The following IK variants were observed in gnomAD, a reference collection of about 807,000 sequenced individuals.
IK encodes protein Red.
In IK, 47 loss-of-function variants were observed where a neutral mutation model predicts 90.9. The ratio of observed to expected loss-of-function variants is 0.52; its 90% CI spans 0.41 to 0.66. The LOEUF (loss-of-function observed/expected upper bound fraction) is 0.66, where lower values mean the gene tolerates loss of function less well. Ranked by LOEUF, IK falls within the 30% of genes least tolerant of loss-of-function variation. The probability of loss-of-function intolerance (pLI) is 0.00; values close to 1 mark genes in which losing one functional copy is unlikely to be tolerated. For missense variants in IK, 385 were observed against 709.3 expected (o/e 0.54, Z 5.19); for synonymous variants, 201 against 227.5 (o/e 0.88, Z 1.05).
In IK at chr5:140,647,857, G is replaced by T. The variant is rs749013145; in HGVS notation, c.-52G>T. 8.1e-6 allele frequency: 13 copies of T among 1,610,044 alleles called. No homozygotes were observed. Among genetic ancestry groups the T allele is most frequent in the Non-Finnish European group, 1.1e-5 (13 of 1,176,300 alleles). On this transcript the variant is annotated 5_prime_UTR_variant, in exon 1 of 20. Coordinates refer to ENST00000417647, the MANE Select transcript of IK (RefSeq NM_006083.4). ...CTGTGGGAAAGAGCTTGTCGCTGCG[G>T]TGTTGCTGTTGGAGACTCGATTGTT...
intron 9 of IK, 115 bp from the exon 10 acceptor site, chr5:140,657,439 C>T: frequency 2.8e-6 from 2 of 702,172 alleles, no homozygotes; most frequent in Non-Finnish European, 4.8e-6. Context: ...CACTTCGTTT[C>T]CCTCCCTTCA....
chr5:140,654,820 A>G (rs1036290780), intron 8 of IK, 93 bp downstream of exon 8: 11 of 829,526 alleles, frequency 1.3e-5, no homozygotes, highest in East Asian at 5.1e-5. Flanking sequence ...CTTTCCCCCA[A>G]CCTCCTTTCT....
At chr5:140,653,186 A>T (rs766507097) in intron 5 of IK, 42 bp downstream of exon 5, 1 of 1,552,940 alleles carries the variant, frequency 6.4e-7, no homozygotes, top group Admixed American at 1.7e-5. Context: ...TCAGCATCCG[A>T]GAGTCATGCA....
At chr5:140,654,804 C>T (rs1757677260) in intron 8 of IK, 77 bp downstream of exon 8, 1 of 951,752 alleles carries the variant, frequency 1.1e-6, no homozygotes. Context: ...GAAGGATATG[C>T]TTCTCCTTTC....
At chr5:140,649,560 T>G (rs1006795026) in intron 2 of IK, among the ~76,000 whole-genome samples, 6 of 151,448 alleles carry the variant, frequency 4.0e-5, no homozygotes, top group Non-Finnish European at 8.8e-5. Context: ...TTTTGGCATA[T>G]CTTTTCCTCC....
intron 5 of IK, among the ~76,000 whole-genome samples, chr5:140,653,382 G>A (rs1436868860): frequency 6.6e-6 from 1 of 151,434 alleles, no homozygotes; most frequent in East Asian, 1.9e-4. Context: ...CGCCTCCCAG[G>A]TTCATGCCAT....
At position 140,660,103 on chromosome 5, in the gene IK, A is replaced by G. The variant is rs759076485; in HGVS notation, c.1275-12A>G. ...TAGAATCCTGTGTAGTGTTTTCTTT[A>G]ACATAGCATATGCTGAAGAAGCCAG... is the stretch of plus-strand genomic sequence containing the variant. On this transcript the variant is annotated splice_polypyrimidine_tract_variant and intron_variant, in intron 14 of 19. Coordinates refer to ENST00000417647, the MANE Select transcript of IK (RefSeq NM_006083.4). The G allele has an allele frequency of 3.0e-5, 48 of 1,610,886 alleles. No individual in the cohort carries two copies. In the South Asian group the frequency reaches 4.6e-4, roughly 15 times the overall value.
At chr5:140,649,389 A>G (rs1240687680) in intron 2 of IK, among the ~76,000 whole-genome samples, 1 of 140,988 alleles carries the variant, frequency 7.1e-6, no homozygotes, top group Non-Finnish European at 1.5e-5. Context: ...TTTTTTTTGT[A>G]TTTTTAGTAG....
chr5:140,648,364 C>T, intron 1 of IK, 107 bp from the exon 2 acceptor site: 1 of 963,258 alleles, frequency 1.0e-6, no homozygotes, highest in Non-Finnish European at 1.7e-6. Flanking sequence ...TTGACACTGT[C>T]GCTGTTCTAA....
rs375677944 is a variant in IK at position 140,658,478 on chromosome 5, C to T, written c.911-259C>T. Reference sequence around the variant, plus strand: ...GATTACAGGCACCTGCCATCACACCCGGCTAATTTTTTTGTACTTTTAGTA... The same window carrying T: ...GATTACAGGCACCTGCCATCACACCTGGCTAATTTTTTTGTACTTTTAGTA... On this transcript the variant is annotated intron_variant, in intron 10 of 19. Coordinates refer to ENST00000417647, the MANE Select transcript of IK (RefSeq NM_006083.4). Among the ~76,000 whole-genome samples, 380 of 152,142 alleles carry T rather than the reference C, an allele frequency of 2.5e-3. 2 individuals are homozygous for T. The highest frequency in any genetic ancestry group is 8.6e-3 in the African/African-American group (355 of 41,498).
intron 13 of IK, 59 bp from the exon 14 acceptor site, chr5:140,659,694 TGTG>T (rs1449036268): frequency 6.7e-6 from 7 of 1,046,708 alleles, no homozygotes; most frequent in Non-Finnish European, 1.0e-5. Flanking sequence ...TTAAGTGTGT[TGTG>T]GGGAGGAGGT....
In IK at chr5:140,661,997, A is replaced by T; in HGVS notation, c.1601A>T (p.Lys534Met). ...GCAGAGCTTGATCGCCAGTGGAAGA[A>T]GATTAGTGCAGTAAGTAGGATGGCC... Reference protein sequence around the residue: ...DKAELDRQWKKISAIIEKRKK... With the variant: ...DKAELDRQWKMISAIIEKRKK... The change falls in exon 18 of 20, where the codon AAG becomes ATG. Residue 534 changes from lysine (K) to methionine (M), a missense_variant. Coordinates refer to ENST00000417647, the MANE Select transcript of IK (RefSeq NM_006083.4). The surrounding 1 kb of genome is among the most constrained non-coding windows in gnomAD (Gnocchi z 4.2). The T allele has an allele frequency of 6.2e-7, 1 of 1,606,380 alleles. No individual in the cohort carries two copies. The highest frequency in any genetic ancestry group is 8.5e-7 in the Non-Finnish European group (1 of 1,176,100).
At position 140,659,141 on chromosome 5, in the gene IK, G is replaced by T; in HGVS notation, c.1153G>T (p.Glu385Ter). The T allele has an allele frequency of 6.3e-7, 1 of 1,592,496 alleles. No homozygotes were observed. Among genetic ancestry groups the T allele is most frequent in the South Asian group, 1.1e-5 (1 of 89,142 alleles). Residue 385 changes from glutamate to a stop codon, truncating the protein, a stop_gained, in exon 12 of 20, where the codon GAG becomes TAG. Transcript: ENST00000417647. LOFTEE classifies it high-confidence loss of function. ...GGAAAAGAAGAGACACAGCTACTTT[G>T]AGAAGCCAAAAGTAGATGATGAGGT... Reference protein sequence around the residue: ...EEEKKRHSYFEKPKVDDEPMD... With the variant: ...EEEKKRHSYF
chr5:140,659,238 A>G (rs1249542240), intron 12 of IK, 74 bp downstream of exon 12: 5 of 1,612,308 alleles, frequency 3.1e-6, no homozygotes, highest in Non-Finnish European at 4.2e-6. Context: ...TGGGTAAGGA[A>G]TTGTTTCAAA....
rs1413255314 is a variant in IK, at chr5:140,652,590, C to T, written c.237-387C>T. On this transcript the variant is annotated intron_variant, in intron 4 of 19. Coordinates refer to ENST00000417647, the MANE Select transcript of IK (RefSeq NM_006083.4). ...TTCAGGACCTGGTACTTGGCTTTTCCTTTATTCTGAGAGTGGACCAGCAAA... is the reference window on the plus strand; with the variant it reads ...TTCAGGACCTGGTACTTGGCTTTTCTTTTATTCTGAGAGTGGACCAGCAAA... Among the ~76,000 whole-genome samples the T allele has an allele frequency of 5.3e-5, 8 of 152,106 alleles. No homozygotes were observed. In the East Asian group the frequency reaches 1.5e-3, roughly 29 times the overall value.
At chr5:140,660,024 T>C (rs1325352384) in intron 14 of IK, 91 bp from the exon 15 acceptor site, 5 of 1,138,700 alleles carry the variant, frequency 4.4e-6, no homozygotes, top group African/African-American at 1.5e-5. Flanking sequence ...AGAATTTTCA[T>C]GTTGGGGCTT....
At chr5:140,659,253 G>T (rs1757762441) in intron 12 of IK, 62 bp from the exon 13 acceptor site, 15 of 1,612,948 alleles carry the variant, frequency 9.3e-6, no homozygotes, top group Non-Finnish European at 1.2e-5. Flanking sequence ...TTCAAACTTG[G>T]GGGAGGGATG....
At chr5:140,660,665 T>TGA (rs1757789233) in intron 15 of IK, 93 bp from the exon 16 acceptor site, 8 of 972,640 alleles carry the variant, frequency 8.2e-6, no homozygotes, top group Non-Finnish European at 1.3e-5. Context: ...GGGGTGGTCA[T>TGA]TCCTATGCAG....
chr5:140,661,523 C>G lies in IK; in HGVS notation c.1414-97C>G. On this transcript the variant is annotated intron_variant, in intron 16 of 19. Coordinates refer to ENST00000417647, the MANE Select transcript of IK (RefSeq NM_006083.4). This position sits in a 1 kb window ranked among gnomAD's most constrained non-coding sequence, Gnocchi z 4.2. ...GGGTATGATTTATGAATTGTGGAAC[C>G]TGGGATTATGGGAGAGTCTGGCTTC... 1 of 735,914 alleles carries G rather than the reference C, an allele frequency of 1.4e-6. No individual in the cohort carries two copies. Among genetic ancestry groups the G allele is most frequent in the Non-Finnish European group, 2.3e-6 (1 of 431,708 alleles). 45.6% of individuals were successfully genotyped at this position (735,914 alleles called of 1,614,324 possible). A position where few individuals can be genotyped will look rare whatever the true frequency, so the allele number is the denominator to read the frequency against.
Sources: allele counts gnomAD v4.1 joint callset (sites outside exome capture counted in the v4.1 genomes callset), GRCh38; gene constraint gnomAD v4.1.1; non-coding constraint Gnocchi (gnomAD v3.1); transcripts MANE v1.5; gene names NCBI Gene and HGNC (gene_info 2026-07-23, HGNC 2026-07-21).